The following MITD1 variants were observed in gnomAD, a reference collection of about 807,000 sequenced individuals.
MITD1 encodes MIT domain-containing protein 1.
Under a neutral mutation model 34.9 loss-of-function variants are expected in MITD1, and 24 were observed. The observed-to-expected ratio is 0.69, with a 90% CI of 0.50 to 0.97. MITD1 has a LOEUF of 0.97. Among genes scored for constraint, MITD1 ranks in the 50% least tolerant of loss-of-function variants. MITD1 has a pLI of 0.00. For missense variants in MITD1, 266 were observed against 294.6 expected (o/e 0.90, Z 0.71); for synonymous variants, 102 against 101.4 (o/e 1.01, Z -0.04).
intron 7 of MITD1, among the ~76,000 whole-genome samples, chr2:99,163,734 C>T (rs2093813734): frequency 6.7e-6 from 1 of 148,408 alleles, no homozygotes; most frequent in Non-Finnish European, 1.5e-5. Flanking sequence ...AGACTTAGTT[C>T]TCTGTTTTTC....
At chr2:99,166,189 TAA>T (rs554451762), downstream of MITD1, among the ~76,000 whole-genome samples, 12 of 132,688 alleles carry the variant, frequency 9.0e-5, no homozygotes, top group Non-Finnish European at 1.3e-4. Flanking sequence ...GAGTGTGAAT[TAA>T]AAAAAAAAAA....
At position 99,176,673 on chromosome 2, in the gene MITD1, C is replaced by T. The variant is rs559757841; in HGVS notation, c.152-2657G>A. Among the ~76,000 whole-genome samples, 69 of 147,512 alleles carry T rather than the reference C, an allele frequency of 4.7e-4. 1 individual carries two copies. The South Asian group carries it at 0.015, about 31-fold the overall frequency. On this transcript the variant is annotated intron_variant, in intron 1 of 6. Transcript: ENST00000289359. ...ATTATGAGGGGTGTGTGTATGTGTG[C>T]GTGTGTGTGTGCGCGTGTGTGTGTG...
downstream of MITD1, among the ~76,000 whole-genome samples, chr2:99,168,291 G>A (rs1238025130): frequency 6.6e-6 from 1 of 152,134 alleles, no homozygotes; most frequent in Non-Finnish European, 1.5e-5. Flanking sequence ...ACAGGCATGC[G>A]CCACCACGGC....
chr2:99,176,471 G>A (rs936422234), intron 1 of MITD1, among the ~76,000 whole-genome samples: 7 of 151,892 alleles, frequency 4.6e-5, no homozygotes, highest in African/African-American at 1.2e-4. Flanking sequence ...GATTATAGGC[G>A]CCCGCCACCA....
intron 1 of MITD1, chr2:99,178,230 A>G (rs1419214556): frequency 6.6e-6 from 1 of 152,212 alleles, no homozygotes; most frequent in Admixed American, 6.5e-5. Context: ...ATCATATGGT[A>G]GTTCTCTTTT....
At chr2:99,165,028 AC>A (rs2093820445), downstream of MITD1, among the ~76,000 whole-genome samples, 1 of 72,082 alleles carries the variant, frequency 1.4e-5, no homozygotes. Flanking sequence ...ATACACACAC[AC>A]ACACACACAC....
At chr2:99,171,280 C>G in intron 4 of MITD1, 63 bp downstream of exon 4, 1 of 1,243,138 alleles carries the variant, frequency 8.0e-7, no homozygotes, top group Non-Finnish European at 1.2e-6. Flanking sequence ...TTCTCCTTGA[C>G]TGGACTACAT....
downstream of MITD1, among the ~76,000 whole-genome samples, chr2:99,168,071 C>G (rs889354773): frequency 6.6e-6 from 1 of 152,220 alleles, no homozygotes; most frequent in African/African-American, 2.4e-5. Context: ...TATATGTGCA[C>G]TCTCCAATAC....
At chr2:99,166,887 AT>A (rs1559174835), downstream of MITD1, among the ~76,000 whole-genome samples, 64 of 112,258 alleles carry the variant, frequency 5.7e-4, no homozygotes, top group African/African-American at 2.2e-3. Flanking sequence ...ATATATATAT[AT>A]ATATATATAA....
chr2:99,171,278 G>C, intron 4 of MITD1, 65 bp downstream of exon 4: 1 of 1,219,804 alleles, frequency 8.2e-7, no homozygotes, highest in Non-Finnish European at 1.2e-6. Flanking sequence ...TGTTCTCCTT[G>C]ACTGGACTAC....
At chr2:99,163,186 AAAAAAC>A in intron 7 of MITD1, 2 of 600,288 alleles carry the variant, frequency 3.3e-6, no homozygotes, top group Non-Finnish European at 5.2e-6. Flanking sequence ...CGTCAAAAAA[AAAAAAC>A]AAAACACAAC....
intron 2 of MITD1, chr2:99,173,538 T>C (rs1352434682): frequency 4.3e-6 from 2 of 466,462 alleles, no homozygotes; most frequent in Non-Finnish European, 4.4e-6. Context: ...AAGGGAAATA[T>C]AAATAAAATA....
chr2:99,171,411 A>G lies in MITD1; in HGVS notation c.409T>C (p.Phe137Leu), dbSNP rs1208916136. 3.7e-6 allele frequency: 6 copies of G among 1,612,446 alleles called. No individual in the cohort carries two copies. The Admixed American group carries it at 8.3e-5, about 22-fold the overall frequency. Residue 137 changes from phenylalanine to leucine, a missense_variant, in exon 4 of 7, where the codon TTT becomes CTT. Phe to Leu is a conservative substitution (Grantham distance 22, BLOSUM62 0). Coordinates refer to ENST00000289359, the MANE Select transcript of MITD1 (RefSeq NM_138798.3). ...HTHQLYNFLR[F>L]CEMLIKRPCK... ...GGTCTCTTAATAAGCATCTCACAAA[A>G]TCGAAGAAAGTTATACAGCTAAAAG... is the stretch of plus-strand genomic sequence containing the variant.
intron 7 of MITD1, among the ~76,000 whole-genome samples, chr2:99,163,835 T>C (rs1447018636): frequency 2.0e-5 from 3 of 152,130 alleles, no homozygotes; most frequent in Admixed American, 6.6e-5. Flanking sequence ...TTTTCTTATC[T>C]TTCTACTCTC....
At chr2:99,172,750 GCGGGTGCCTGTAGTCCCAGCTACT>G (rs2093865796) in intron 2 of MITD1, 2 of 151,990 alleles carry the variant, frequency 1.3e-5, no homozygotes, top group Admixed American at 6.5e-5. Context: ...AGGCTTGGCG[GCGGGTGCCTGTAGTCCCAGCTACT>G]CGGGAGGCTG....
chr2:99,167,922 A>G (rs956384465), downstream of MITD1, among the ~76,000 whole-genome samples: 2 of 152,132 alleles, frequency 1.3e-5, no homozygotes. Flanking sequence ...TCCATCTTGT[A>G]CCTACCAGCT....
chr2:99,167,895 T>C (rs887886144), downstream of MITD1, among the ~76,000 whole-genome samples: 1 of 152,234 alleles, frequency 6.6e-6, no homozygotes, highest in Non-Finnish European at 1.5e-5. Flanking sequence ...AAGCCCTTCC[T>C]GGCCTTTTAT....
downstream of MITD1, among the ~76,000 whole-genome samples, chr2:99,168,783 T>C (rs2093838643): frequency 6.6e-6 from 1 of 151,928 alleles, no homozygotes; most frequent in Admixed American, 6.6e-5. Flanking sequence ...CCCATCTGTC[T>C]CTTTTTTTTC....
At chr2:99,170,033 T>G (rs980766248) in intron 5 of MITD1, among the ~76,000 whole-genome samples, 7 of 152,210 alleles carry the variant, frequency 4.6e-5, no homozygotes, top group Admixed American at 3.9e-4. Context: ...TGATTAAGTT[T>G]TTATTAAAAC....
Sources: gnomAD v4.1 joint callset for allele counts (sites outside exome capture counted in the v4.1 genomes callset) on GRCh38, gnomAD v4.1.1 for gene constraint, MANE v1.5 for transcripts, NCBI Gene and HGNC (gene_info 2026-07-23, HGNC 2026-07-21) for gene names.